The following GRK4 variants were observed in gnomAD, a reference collection of about 807,000 sequenced individuals.
GRK4 encodes the protein G protein-coupled receptor kinase 4.
In GRK4, 73 loss-of-function variants were observed where a neutral mutation model predicts 77.9. That is an observed-to-expected ratio of 0.94 (90% confidence interval 0.78 to 1.14). GRK4 has a LOEUF of 1.14. Among genes scored for constraint, GRK4 ranks in the 50% most tolerant of loss-of-function variants. GRK4 has a pLI of 0.00. For missense variants in GRK4, 729 were observed against 700.2 expected (o/e 1.04, Z -0.46); for synonymous variants, 257 against 254.4 (o/e 1.01, Z -0.10).
At position 3,021,673 on chromosome 4, in the gene GRK4, A is replaced by G. The variant is rs150063124; in HGVS notation, c.933-741A>G. On this transcript the variant is annotated intron_variant, in intron 9 of 15. Transcript: ENST00000398052. The stretch of plus-strand genomic sequence containing the variant: ...GCCTTGTTGCCATTGCTTAGAGGTA[A>G]GAGTCTGGTGGTATTGGACCATGGA... Among the ~76,000 whole-genome samples, 69 of 152,276 alleles carry G rather than the reference A, an allele frequency of 4.5e-4. No individual in the cohort carries two copies. The East Asian group carries it at 0.013, about 29-fold the overall frequency.
In GRK4 at chr4:3,029,251, G is replaced by C. The variant is rs1411797885; in HGVS notation, c.1111G>C (p.Gly371Arg). The C allele has an allele frequency of 1.9e-6, 3 of 1,614,012 alleles. No individual in the cohort carries two copies. Among genetic ancestry groups the C allele is most frequent in the Admixed American group, 1.7e-5 (1 of 60,006 alleles). ...EKYTFSPDWW[G>R]LGCLIYEMIQ... ...GTATACGTTTAGTCCCGATTGGTGG[G>C]GACTTGGCTGTCTGATCTATGAAAT... The change falls in exon 12 of 16, where the codon GGA becomes CGA. Residue 371 changes from glycine (G) to arginine (R), a missense_variant. Coordinates refer to ENST00000398052, the MANE Select transcript of GRK4 (RefSeq NM_182982.3).
intron 1 of GRK4, among the ~76,000 whole-genome samples, chr4:2,979,402 TCAAA>T (rs1722170026): frequency 2.4e-5 from 1 of 42,376 alleles, no homozygotes; most frequent in Non-Finnish European, 4.3e-5. Context: ...AGACTCTGTC[TCAAA>T]AAAAAAAAAA....
intron 4 of GRK4, among the ~76,000 whole-genome samples, chr4:3,001,239 A>G (rs13150784): frequency 1.6e-5 from 2 of 127,090 alleles, no homozygotes; most frequent in South Asian, 2.3e-4. Context: ...GTGTATGTGT[A>G]TATATATACA....
chr4:3,013,646 C>T (rs1266950536), intron 7 of GRK4, 42 bp from the exon 8 acceptor site: 1 of 1,576,172 alleles, frequency 6.3e-7, no homozygotes, highest in Non-Finnish European at 8.6e-7. Context: ...CTAAGAAATG[C>T]CAGGTGGACA....
At chr4:2,968,369 T>C (rs560988739) in intron 1 of GRK4, among the ~76,000 whole-genome samples, 278 of 152,310 alleles carry the variant, frequency 1.8e-3, no homozygotes, top group Admixed American at 4.2e-3. Context: ...TGCAGCATGG[T>C]TAATATACCT....
intron 1 of GRK4, among the ~76,000 whole-genome samples, chr4:2,964,521 C>A (rs1716870917): frequency 6.6e-6 from 1 of 152,104 alleles, no homozygotes; most frequent in South Asian, 2.1e-4. Context: ...TTAAGGGGGA[C>A]AAAGAATAGC....
At chr4:3,001,477 C>T (rs1729816965) in intron 4 of GRK4, among the ~76,000 whole-genome samples, 1 of 151,370 alleles carries the variant, frequency 6.6e-6, no homozygotes, top group Admixed American at 6.6e-5. Context: ...AGTGATTCCC[C>T]TGCCTCAGCC....
chr4:3,027,819 T>C, intron 10 of GRK4, 93 bp from the exon 11 acceptor site: 1 of 952,240 alleles, frequency 1.1e-6, no homozygotes, highest in Non-Finnish European at 1.7e-6. Flanking sequence ...TTTCCAGCCA[T>C]GGTTTTTGAG....
At chr4:3,024,721 G>A (rs2471328) in intron 10 of GRK4, among the ~76,000 whole-genome samples, 63,647 of 151,518 alleles carry the variant, frequency 0.42, 13,846 homozygotes, top group African/African-American at 0.49. Context: ...TTAGCCGGGC[G>A]TGGCAGTGCA....
chr4:3,026,970 A>G (rs976723418), intron 10 of GRK4, among the ~76,000 whole-genome samples: 2 of 152,264 alleles, frequency 1.3e-5, no homozygotes, highest in Admixed American at 6.5e-5. Context: ...ATAAGTGGTG[A>G]ATAAGTTGAA....
At chr4:3,027,142 C>T (rs112630089) in intron 10 of GRK4, among the ~76,000 whole-genome samples, 20 of 152,302 alleles carry the variant, frequency 1.3e-4, no homozygotes, top group Non-Finnish European at 1.9e-4. Flanking sequence ...TGGGCTTAAG[C>T]GATCCTCCTG....
intron 2 of GRK4, among the ~76,000 whole-genome samples, chr4:2,987,604 T>C (rs1165491126): frequency 6.6e-6 from 1 of 152,210 alleles, no homozygotes; most frequent in East Asian, 1.9e-4. Flanking sequence ...TGCAAATACC[T>C]GTTTGAGTCC....
At chr4:3,019,153 T>A (rs1735381323) in intron 8 of GRK4, among the ~76,000 whole-genome samples, 1 of 152,218 alleles carries the variant, frequency 6.6e-6, no homozygotes, top group South Asian at 2.1e-4. Context: ...CCCCTATCTT[T>A]GCATATATAG....
At chr4:3,028,419 T>A (rs537838538) in intron 11 of GRK4, among the ~76,000 whole-genome samples, 21 of 151,942 alleles carry the variant, frequency 1.4e-4, no homozygotes, top group Admixed American at 4.6e-4. Flanking sequence ...CCTCGCAGAG[T>A]CCTGCAGGAA....
At chr4:3,006,047 AAAATGGATTAGAGT>A (rs1291042907) in intron 5 of GRK4, among the ~76,000 whole-genome samples, 24 of 152,152 alleles carry the variant, frequency 1.6e-4, no homozygotes, top group African/African-American at 5.1e-4. Flanking sequence ...CCCTCCTCTG[AAAATGGATTAGAGT>A]AAATGGATTA....
At position 2,988,075 on chromosome 4, in the gene GRK4, CAAAAAAAAAAAA is replaced by C. The variant is rs67664476; in HGVS notation, c.149-639_149-628del. ...TGGATGACAGAGTGAGGCTCTGTCT[CAAAAAAAAAAAA>C]AAAAAAAAAAAAGAAGTAGAATCAT... On this transcript the variant is annotated intron_variant, in intron 2 of 15. Transcript: ENST00000398052. 4.3e-3 allele frequency among the ~76,000 whole-genome samples: 144 copies of C among 33,698 alleles called. 1 individual carries two copies. The highest frequency in any genetic ancestry group is 0.017 in the Middle Eastern group (1 of 60). The allele number at this position is 33,698 out of a possible 152,430, so 22.1% of individuals were successfully genotyped here.
At position 3,040,634 on chromosome 4, in the gene GRK4, G is replaced by A. The variant is rs778135211; in HGVS notation, c.*9G>A. The A allele has an allele frequency of 6.2e-7, 1 of 1,609,382 alleles. No individual in the cohort carries two copies. ...AACCCAAGCAATGCTGAGCACCCCG[G>A]TGCGGACCACAGAGCAGACCCTGGC... On this transcript the variant is annotated 3_prime_UTR_variant, in exon 16 of 16. Coordinates refer to ENST00000398052, the MANE Select transcript of GRK4 (RefSeq NM_182982.3).
chr4:2,985,446 C>T (rs1467317139), intron 2 of GRK4, among the ~76,000 whole-genome samples: 2 of 151,394 alleles, frequency 1.3e-5, no homozygotes, highest in African/African-American at 4.9e-5. Flanking sequence ...TGGCACATAC[C>T]TGTAGGTGCA....
chr4:2,985,737 GCC>G (rs934751601), intron 2 of GRK4: 1 of 325,402 alleles, frequency 3.1e-6, no homozygotes, highest in African/African-American at 2.3e-5. Context: ...GGTGGCTCAC[GCC>G]CGTAATCCCA....
Sources: allele counts gnomAD v4.1 joint callset (sites outside exome capture counted in the v4.1 genomes callset), GRCh38; gene constraint gnomAD v4.1.1; transcripts MANE v1.5; gene names NCBI Gene and HGNC (gene_info 2026-07-23, HGNC 2026-07-21).